The following EYS variants were observed in gnomAD, a reference collection of about 807,000 sequenced individuals.
EYS encodes protein eyes shut homolog.
A neutral mutation model predicts 282.1 loss-of-function variants in EYS; 250 were observed. The ratio of observed to expected loss-of-function variants is 0.89; its 90% CI spans 0.80 to 0.98. The LOEUF (loss-of-function observed/expected upper bound fraction) is 0.98, where lower values mean the gene tolerates loss of function less well. EYS is among the 50% of genes least tolerant of loss of function. The pLI is 0.00. For missense variants in EYS, 4,016 were observed against 3,709.0 expected, an observed-to-expected ratio of 1.08 and a Z score of -2.15; for synonymous variants, 1,355 against 1,282.9, an observed-to-expected ratio of 1.06 and a Z score of -1.20.
chr6:65,591,813 C>A (rs1765244668), intron 2 of EYS, among the ~76,000 whole-genome samples: 1 of 151,924 alleles, frequency 6.6e-6, no homozygotes, highest in African/African-American at 2.4e-5. Flanking sequence ...GCATTCTTAA[C>A]TCTTTTTATT....
intron 2 of EYS, among the ~76,000 whole-genome samples, chr6:65,605,994 A>T (rs1424598933): frequency 6.6e-6 from 1 of 151,688 alleles, no homozygotes; most frequent in Admixed American, 6.6e-5. Flanking sequence ...ATTTACAGAT[A>T]AAAACTTGAG....
intron 19 of EYS, among the ~76,000 whole-genome samples, chr6:64,829,937 T>C (rs1665304733): frequency 6.6e-6 from 1 of 151,934 alleles, no homozygotes; most frequent in African/African-American, 2.4e-5. Context: ...TAGAATCCCT[T>C]TTTGAAATGT....
chr6:64,228,792 A>G (rs1766328280), intron 31 of EYS, among the ~76,000 whole-genome samples: 1 of 152,148 alleles, frequency 6.6e-6, no homozygotes, highest in Admixed American at 6.6e-5. Flanking sequence ...AACCTTGCTT[A>G]ACTCCAAAAA....
intron 11 of EYS, among the ~76,000 whole-genome samples, chr6:65,305,335 G>T (rs1291610857): frequency 6.6e-6 from 1 of 152,200 alleles, no homozygotes; most frequent in South Asian, 2.1e-4. Context: ...TTGTCTTGAT[G>T]TACTTAATAT....
At chr6:65,190,431 T>C (rs889540322) in intron 12 of EYS, among the ~76,000 whole-genome samples, 7 of 151,230 alleles carry the variant, frequency 4.6e-5, no homozygotes, top group Non-Finnish European at 1.0e-4. Flanking sequence ...GTTTCTAAGA[T>C]ACATTAAAAT....
chr6:63,776,326 T>C (rs1188709185), intron 40 of EYS, among the ~76,000 whole-genome samples: 1 of 152,192 alleles, frequency 6.6e-6, no homozygotes, highest in East Asian at 1.9e-4. Context: ...AATTATTTGC[T>C]GTTTTTAAGT....
At chr6:63,894,353 C>T (rs1320849156) in intron 35 of EYS, among the ~76,000 whole-genome samples, 5 of 152,144 alleles carry the variant, frequency 3.3e-5, no homozygotes, top group East Asian at 3.9e-4. Flanking sequence ...GACAGACAGA[C>T]GCAGACATAC....
intron 22 of EYS, among the ~76,000 whole-genome samples, chr6:64,639,481 G>C (rs1021663636): frequency 1.1e-5 from 1 of 90,636 alleles, no homozygotes. Flanking sequence ...ATTAAAAAGC[G>C]TTTTGCAGCT....
intron 1 of EYS, among the ~76,000 whole-genome samples, chr6:65,645,471 C>G (rs763779481): frequency 6.6e-6 from 1 of 151,972 alleles, no homozygotes; most frequent in African/African-American, 2.4e-5. Context: ...ATATTAAAAA[C>G]GTTTTGAACT....
At chr6:65,046,810 T>C (rs946172795) in intron 13 of EYS, among the ~76,000 whole-genome samples, 1 of 151,908 alleles carries the variant, frequency 6.6e-6, no homozygotes, top group Non-Finnish European at 1.5e-5. Context: ...TTCTCAAAGT[T>C]GGGGAGGAAC....
intron 19 of EYS, among the ~76,000 whole-genome samples, chr6:64,858,069 A>T (rs1045362134): frequency 6.6e-6 from 1 of 152,046 alleles, no homozygotes; most frequent in Non-Finnish European, 1.5e-5. Context: ...TTTATTAATT[A>T]GTTCCTTTGA....
chr6:64,265,457 G>T (rs1582507474), intron 30 of EYS, among the ~76,000 whole-genome samples: 1 of 152,256 alleles, frequency 6.6e-6, no homozygotes, highest in East Asian at 1.9e-4. Flanking sequence ...GACTTTGAAT[G>T]AAGTTTCTTG....
intron 15 of EYS, among the ~76,000 whole-genome samples, chr6:64,929,555 G>T (rs1562263129): frequency 6.6e-6 from 1 of 151,982 alleles, no homozygotes; most frequent in Non-Finnish European, 1.5e-5. Context: ...TAATCAGTTA[G>T]TTCTAAGGCC....
At chr6:65,324,238 C>G (rs1317267738) in intron 11 of EYS, among the ~76,000 whole-genome samples, 1 of 152,030 alleles carries the variant, frequency 6.6e-6, no homozygotes, top group Admixed American at 6.6e-5. Flanking sequence ...TTTATTTCTT[C>G]ATTTGTTTAT....
intron 29 of EYS, among the ~76,000 whole-genome samples, chr6:64,375,916 T>C (rs1772548373): frequency 6.6e-6 from 1 of 152,244 alleles, no homozygotes; most frequent in African/African-American, 2.4e-5. Flanking sequence ...AATTGTGTTT[T>C]CTTTCATTTT....
intron 12 of EYS, among the ~76,000 whole-genome samples, chr6:65,101,539 A>G (rs1244075273): frequency 6.6e-6 from 1 of 151,292 alleles, no homozygotes; most frequent in African/African-American, 2.4e-5. Flanking sequence ...AAACAGCCAA[A>G]TCTAAAGCAG....
chr6:64,063,718 A>T (rs2149853568), intron 33 of EYS, among the ~76,000 whole-genome samples: 1 of 151,946 alleles, frequency 6.6e-6, no homozygotes, highest in East Asian at 1.9e-4. Context: ...TTTTTCTAGC[A>T]TAGGGTTTTG....
intron 7 of EYS, among the ~76,000 whole-genome samples, chr6:65,391,132 T>A (rs1766013627): frequency 6.6e-6 from 1 of 152,024 alleles, no homozygotes; most frequent in Non-Finnish European, 1.5e-5. Flanking sequence ...TGGAAATTAA[T>A]ACATTGAAGG....
At chr6:64,031,687 A>G (rs556890294) in intron 33 of EYS, among the ~76,000 whole-genome samples, 226 of 152,268 alleles carry the variant, frequency 1.5e-3, no homozygotes, top group African/African-American at 5.2e-3. Context: ...GAATGCTCCA[A>G]TTGACACTCT....
Sources: allele counts gnomAD v4.1 joint callset (sites outside exome capture counted in the v4.1 genomes callset), GRCh38; gene constraint gnomAD v4.1.1; transcripts MANE v1.5; gene names NCBI Gene and HGNC (gene_info 2026-07-23, HGNC 2026-07-21).